STARD13: variants seen among roughly 807,000 people sequenced by gnomAD.
STARD13 encodes stAR-related lipid transfer protein 13.
STARD13 carries 62 observed loss-of-function variants against 106.4 expected under a neutral mutation model. The ratio of observed to expected loss-of-function variants is 0.58; its 90% confidence interval spans 0.48 to 0.72. The LOEUF is 0.72. STARD13 is among the 30% of genes least tolerant of loss of function. The probability of loss-of-function intolerance (pLI) is 0.00; values close to 1 mark genes in which losing one functional copy is unlikely to be tolerated. For synonymous variants in STARD13, 565 were observed against 553.0 expected (o/e 1.02, Z -0.31); for missense variants, 1,387 against 1,424.0 (o/e 0.97, Z 0.42).
intron 4 of STARD13, among the ~76,000 whole-genome samples, chr13:33,131,861 T>A (rs1019226883): frequency 6.6e-6 from 1 of 152,218 alleles, no homozygotes; most frequent in African/African-American, 2.4e-5. Flanking sequence ...TCTTGCCTCA[T>A]AGGTTTGCTG....
At chr13:33,244,758 C>T (rs1422162704) in intron 1 of STARD13, among the ~76,000 whole-genome samples, 1 of 152,132 alleles carries the variant, frequency 6.6e-6, no homozygotes, top group Non-Finnish European at 1.5e-5. Flanking sequence ...CACTATTAGG[C>T]CACAAAACTC....
At chr13:33,153,686 G>T (rs964500784) in intron 3 of STARD13, among the ~76,000 whole-genome samples, 3 of 152,222 alleles carry the variant, frequency 2.0e-5, no homozygotes, top group African/African-American at 7.2e-5. Flanking sequence ...TAAACTGCCA[G>T]ACTTTAGACT....
At chr13:33,456,487 G>A in the STARD13 span, among the ~76,000 whole-genome samples, 5 of 152,146 alleles carry the variant, frequency 3.3e-5, no homozygotes, top group Admixed American at 2.6e-4. Flanking sequence ...ACCACACCTG[G>A]CCAGAAATTA....
At chr13:33,323,538 C>T (rs564087562) in intron 1 of STARD13, among the ~76,000 whole-genome samples, 1 of 152,224 alleles carries the variant, frequency 6.6e-6, no homozygotes, top group African/African-American at 2.4e-5. Flanking sequence ...AGCTGAATTC[C>T]CAGCACCCAG....
intron 8 of STARD13, 25 bp downstream of exon 8, chr13:33,118,040 C>T (rs774115778): frequency 1.7e-5 from 27 of 1,612,142 alleles, no homozygotes; most frequent in African/African-American, 1.2e-4. Context: ...CCCACGAGAA[C>T]ACCAATCTCA....
chr13:33,198,965 C>T (rs1427496061), intron 1 of STARD13, among the ~76,000 whole-genome samples: 5 of 152,184 alleles, frequency 3.3e-5, no homozygotes, highest in Non-Finnish European at 7.4e-5. Context: ...ATCTCCTTTT[C>T]CAATCGCCTT....
the STARD13 span, among the ~76,000 whole-genome samples, chr13:33,498,569 TC>T: frequency 6.6e-6 from 1 of 152,214 alleles, no homozygotes; most frequent in Non-Finnish European, 1.5e-5. Context: ...TTAAATGCTT[TC>T]TATTATTAAA....
chr13:33,485,812 A>C, the STARD13 span, among the ~76,000 whole-genome samples: 1 of 152,242 alleles, frequency 6.6e-6, no homozygotes, highest in African/African-American at 2.4e-5. Context: ...GAAATCAGAA[A>C]ATTATACAAC....
chr13:33,610,619 C>T, the STARD13 span, among the ~76,000 whole-genome samples: 1 of 152,364 alleles, frequency 6.6e-6, no homozygotes, highest in Non-Finnish European at 1.5e-5. Flanking sequence ...CCAACAGTAA[C>T]CTTGCAGAGG....
At chr13:33,173,293 C>T (rs1233353816) in intron 1 of STARD13, among the ~76,000 whole-genome samples, 1 of 152,110 alleles carries the variant, frequency 6.6e-6, no homozygotes, top group Admixed American at 6.6e-5. Context: ...TAGTGAAGTC[C>T]GTATTTATTG....
At chr13:33,148,868 T>A (rs960855282) in intron 3 of STARD13, among the ~76,000 whole-genome samples, 15 of 152,334 alleles carry the variant, frequency 9.8e-5, no homozygotes, top group Non-Finnish European at 2.1e-4. Context: ...AATAGAATGT[T>A]ATTCACCAGT....
At chr13:33,450,640 T>C in the STARD13 span, among the ~76,000 whole-genome samples, 1 of 152,222 alleles carries the variant, frequency 6.6e-6, no homozygotes, top group Admixed American at 6.5e-5. Flanking sequence ...TTTAGGATCA[T>C]AACTTTTTTG....
At position 33,112,708 on chromosome 13, in the gene STARD13, A is replaced by G. The variant is rs779742245; in HGVS notation, c.2492+13T>C. ...CTTTGGGATTACTGTTGTTACTGAG[A>G]AAAAAAACCCACCGTGGAGAGCTTT... On this transcript the variant is annotated intron_variant, in intron 9 of 13. Transcript: ENST00000336934. 23 of 1,509,038 alleles carry G rather than the reference A, an allele frequency of 1.5e-5. No homozygotes were observed. The highest frequency in any genetic ancestry group is 1.5e-4 in the Admixed American group (7 of 46,712). The allele number at this position is 1,509,038 out of a possible 1,614,324, so 93.5% of individuals were successfully genotyped here.
chr13:33,458,042 C>A, the STARD13 span, among the ~76,000 whole-genome samples: 1 of 152,138 alleles, frequency 6.6e-6, no homozygotes, highest in African/African-American at 2.4e-5. Flanking sequence ...AGAATCACAG[C>A]ATTTCCATCA....
chr13:33,440,397 G>T, the STARD13 span, among the ~76,000 whole-genome samples: 1 of 151,924 alleles, frequency 6.6e-6, no homozygotes, highest in South Asian at 2.1e-4. Context: ...TAGTGCTAAA[G>T]CCAGGCCCTG....
chr13:33,462,418 G>A, the STARD13 span, among the ~76,000 whole-genome samples: 1 of 152,150 alleles, frequency 6.6e-6, no homozygotes, highest in South Asian at 2.1e-4. Context: ...TTCTCTAGAG[G>A]GACAGAACTA....
chr13:33,270,624 C>T (rs948795626), intron 1 of STARD13, among the ~76,000 whole-genome samples: 3 of 152,134 alleles, frequency 2.0e-5, no homozygotes, highest in African/African-American at 7.2e-5. Context: ...CAAACGTGCT[C>T]GAGAACCCAG....
chr13:33,118,151 G>T lies in STARD13; in HGVS notation c.2195C>A (p.Ala732Glu). 1 of 1,614,198 alleles carries T rather than the reference G, an allele frequency of 6.2e-7. No individual in the cohort carries two copies. The highest frequency in any genetic ancestry group is 8.5e-7 in the Non-Finnish European group (1 of 1,180,042). ...NYEDQSAYDVADMVKQFFRDL... is the reference protein window; with the variant it reads ...NYEDQSAYDVEDMVKQFFRDL... ...CCGGAAGAACTGTTTCACCATATCC[G>T]CCACATCATAAGCAGACTGGTCTTC... Residue 732 changes from alanine to glutamate, a missense_variant, in exon 8 of 14, where the codon GCG becomes GAG. Coordinates refer to ENST00000336934, the MANE Select transcript of STARD13 (RefSeq NM_178006.4).
At chr13:33,184,610 T>C (rs1446806494) in intron 1 of STARD13, among the ~76,000 whole-genome samples, 1 of 152,222 alleles carries the variant, frequency 6.6e-6, no homozygotes, top group Non-Finnish European at 1.5e-5. Context: ...GTTTCCTCAC[T>C]GCAAAATGTG....
Sources: gnomAD v4.1 joint callset for allele counts (sites outside exome capture counted in the v4.1 genomes callset) on GRCh38, gnomAD v4.1.1 for gene constraint, MANE v1.5 for transcripts, NCBI Gene and HGNC (gene_info 2026-07-23, HGNC 2026-07-21) for gene names.